ARSK: variants seen among roughly 807,000 people sequenced by gnomAD.
ARSK encodes arylsulfatase family member K, also known as arylsulfatase K.
ARSK carries 37 observed loss-of-function variants against 53.2 expected under a neutral mutation model. That is an observed-to-expected ratio of 0.70 (90% confidence interval 0.54 to 0.92). The LOEUF (loss-of-function observed/expected upper bound fraction) is 0.92. Among genes scored for constraint, ARSK ranks in the 40% least tolerant of loss-of-function variants. ARSK has a pLI of 0.00. For synonymous variants in ARSK, 208 were observed against 223.2 expected (o/e 0.93, Z 0.61); for missense variants, 613 against 643.0 (o/e 0.95, Z 0.51).
Position 95,563,504 on chromosome 5 carries a change from G to A in ARSK, c.127-2494G>A, listed in dbSNP as rs150151669. Among the ~76,000 whole-genome samples, 242 of 152,212 alleles carry A rather than the reference G, an allele frequency of 1.6e-3. 3 individuals are homozygous for A. The highest frequency in any genetic ancestry group is 5.7e-3 in the African/African-American group (236 of 41,526). Reference sequence around the variant, plus strand: ...ATCGTTGGGAACTTTCCCACATGACGGCAGTCGCCCCCTCCCTTTCTGGTT... The same window carrying A: ...ATCGTTGGGAACTTTCCCACATGACAGCAGTCGCCCCCTCCCTTTCTGGTT... On this transcript the variant is annotated intron_variant, in intron 1 of 7. Coordinates refer to ENST00000380009, the MANE Select transcript of ARSK (RefSeq NM_198150.3).
chr5:95,563,032 G>A (rs568324680), intron 1 of ARSK, among the ~76,000 whole-genome samples: 1 of 152,256 alleles, frequency 6.6e-6, no homozygotes, highest in East Asian at 1.9e-4. Context: ...TTTCAGTTCA[G>A]AATGAAATAT....
intron 1 of ARSK, chr5:95,556,387 A>G (rs1748509725): frequency 3.3e-6 from 2 of 606,408 alleles, no homozygotes; most frequent in Non-Finnish European, 5.9e-6. Context: ...AGGATTGTGC[A>G]GAGGAGAAGC....
chr5:95,566,208 A>C, intron 2 of ARSK, 81 bp downstream of exon 2: 1 of 1,512,944 alleles, frequency 6.6e-7, no homozygotes, highest in Non-Finnish European at 8.9e-7. Flanking sequence ...TATACCTAAA[A>C]GTAGAATAGT....
intron 6 of ARSK, among the ~76,000 whole-genome samples, chr5:95,599,767 C>T (rs1195456169): frequency 1.3e-5 from 2 of 152,136 alleles, no homozygotes; most frequent in African/African-American, 4.8e-5. Context: ...GAAACAACTA[C>T]CTTCAGAAGA....
chr5:95,598,071 T>C (rs1030093184), intron 6 of ARSK, among the ~76,000 whole-genome samples: 1 of 152,160 alleles, frequency 6.6e-6, no homozygotes, highest in Non-Finnish European at 1.5e-5. Flanking sequence ...CTCAAATCCA[T>C]TATGTACTGA....
intron 7 of ARSK, among the ~76,000 whole-genome samples, chr5:95,601,957 A>C (rs1197587310): frequency 6.6e-6 from 1 of 152,134 alleles, no homozygotes; most frequent in East Asian, 1.9e-4. Context: ...GAGTTCCTAC[A>C]CCAGGCTCAA....
At chr5:95,583,593 T>A (rs911983492) in intron 4 of ARSK, among the ~76,000 whole-genome samples, 1 of 152,074 alleles carries the variant, frequency 6.6e-6, no homozygotes, top group Non-Finnish European at 1.5e-5. Flanking sequence ...ATCAAAATAT[T>A]TTGAATTATG....
At chr5:95,558,862 C>G (rs778216949) in intron 1 of ARSK, among the ~76,000 whole-genome samples, 32 of 152,148 alleles carry the variant, frequency 2.1e-4, no homozygotes, top group Non-Finnish European at 4.1e-4. Context: ...CCAGTTTGGC[C>G]GGGCGCGGTG....
At chr5:95,583,461 T>G (rs1266863798) in intron 4 of ARSK, among the ~76,000 whole-genome samples, 2 of 152,162 alleles carry the variant, frequency 1.3e-5, no homozygotes, top group Admixed American at 6.5e-5. Flanking sequence ...CTCTTAGAAA[T>G]GTAGGCAGCT....
At chr5:95,579,525 A>G (rs887300543) in intron 3 of ARSK, among the ~76,000 whole-genome samples, 8 of 152,148 alleles carry the variant, frequency 5.3e-5, no homozygotes, top group African/African-American at 1.7e-4. Context: ...ATTCAATTAC[A>G]ATGAGTCCCA....
chr5:95,580,705 G>A (rs983170271), intron 3 of ARSK, among the ~76,000 whole-genome samples: 1 of 152,064 alleles, frequency 6.6e-6, no homozygotes, highest in Non-Finnish European at 1.5e-5. Context: ...AGGTTGGGCT[G>A]GCCCAGGAAG....
rs775927921 is a variant in ARSK at position 95,582,904 on chromosome 5, T to C, written c.417-12T>C. On this transcript the variant is annotated splice_polypyrimidine_tract_variant and intron_variant, in intron 3 of 7. Transcript: ENST00000380009. ...TATACCTGACAATATATGTGTCTTT[T>C]TGCCCCCTCAGTAATCGTGTGGAAG... 6.3e-7 allele frequency: 1 copy of C among 1,583,082 alleles called. No individual in the cohort carries two copies. The highest frequency in any genetic ancestry group is 8.6e-7 in the Non-Finnish European group (1 of 1,160,970).
intron 1 of ARSK, among the ~76,000 whole-genome samples, chr5:95,563,752 T>C (rs1011989938): frequency 2.0e-5 from 3 of 152,182 alleles, no homozygotes; most frequent in African/African-American, 7.2e-5. Flanking sequence ...GTGAATTATA[T>C]AGCACCTTTA....
At chr5:95,585,535 C>T (rs905263549) in intron 4 of ARSK, among the ~76,000 whole-genome samples, 3 of 152,068 alleles carry the variant, frequency 2.0e-5, no homozygotes, top group East Asian at 1.9e-4. Flanking sequence ...AATTGGAGAC[C>T]GTTATTCTAA....
At chr5:95,572,883 A>G (rs1213341750) in intron 3 of ARSK, among the ~76,000 whole-genome samples, 1 of 152,110 alleles carries the variant, frequency 6.6e-6, no homozygotes, top group Non-Finnish European at 1.5e-5. Context: ...TCACCCCCAT[A>G]CACCACCCCC....
intron 3 of ARSK, among the ~76,000 whole-genome samples, chr5:95,579,367 C>G (rs1408598878): frequency 2.6e-5 from 4 of 152,160 alleles, no homozygotes; most frequent in Non-Finnish European, 4.4e-5. Context: ...GCCTCACAGT[C>G]ATGGTGGAAG....
At chr5:95,575,476 T>C (rs540932133) in intron 3 of ARSK, among the ~76,000 whole-genome samples, 1 of 152,314 alleles carries the variant, frequency 6.6e-6, no homozygotes, top group South Asian at 2.1e-4. Context: ...GTATGGACAT[T>C]TTAACAATAT....
chr5:95,600,984 G>A lies in ARSK; in HGVS notation c.1234G>A (p.Val412Met). Residue 412 changes from valine to methionine, a missense_variant, in exon 7 of 8, where the codon GTG becomes ATG. By Grantham distance (21) the Val-to-Met change is conservative (BLOSUM62 1). Coordinates refer to ENST00000380009, the MANE Select transcript of ARSK (RefSeq NM_198150.3). ...WILSEFHGCNVNASTYMLRTN... is the reference protein window; with the variant it reads ...WILSEFHGCNMNASTYMLRTN... ...TCTGAGTGAATTCCATGGATGTAAT[G>A]TGAATGCCTCCACCTACATGCTTCG... 1.2e-6 allele frequency: 2 copies of A among 1,614,090 alleles called. No homozygotes were observed. The highest frequency in any genetic ancestry group is 1.7e-6 in the Non-Finnish European group (2 of 1,179,952).
At chr5:95,596,295 T>G (rs1356241337) in intron 6 of ARSK, among the ~76,000 whole-genome samples, 3 of 152,226 alleles carry the variant, frequency 2.0e-5, no homozygotes, top group Non-Finnish European at 4.4e-5. Context: ...TCTTATTTTG[T>G]TCTAACCAAT....
Sources: allele counts gnomAD v4.1 joint callset (sites outside exome capture counted in the v4.1 genomes callset), GRCh38; gene constraint gnomAD v4.1.1; transcripts MANE v1.5; gene names NCBI Gene and HGNC (gene_info 2026-07-23, HGNC 2026-07-21).